Variants in SRD5A2 observed in about 807,000 individuals in gnomAD.
SRD5A2 encodes steroid 5 alpha-reductase 2.
A neutral mutation model predicts 27.4 loss-of-function variants in SRD5A2; 30 were observed. The ratio of observed to expected loss-of-function variants is 1.10; its 90% CI spans 0.82 to 1.49. SRD5A2 has a LOEUF of 1.49. SRD5A2 is among the 40% of genes most tolerant of loss of function. The pLI is 0.00. For missense variants in SRD5A2, 348 were observed against 323.4 expected (o/e 1.08, Z -0.58); for synonymous variants, 141 against 133.6 (o/e 1.06, Z -0.38).
At chr2:31,577,626 C>T (rs1666985763) in intron 1 of SRD5A2, among the ~76,000 whole-genome samples, 1 of 152,152 alleles carries the variant, frequency 6.6e-6, no homozygotes, top group South Asian at 2.1e-4. Flanking sequence ...GGACATTTTG[C>T]AAAAGAGTCT....
intron 1 of SRD5A2, among the ~76,000 whole-genome samples, chr2:31,566,051 C>T (rs1666721451): frequency 6.6e-6 from 1 of 151,974 alleles, no homozygotes; most frequent in Non-Finnish European, 1.5e-5. Context: ...GAAATGAATA[C>T]AGAACATGTC....
intron 1 of SRD5A2, among the ~76,000 whole-genome samples, chr2:31,569,191 C>T (rs1446385512): frequency 2.0e-5 from 3 of 152,282 alleles, no homozygotes; most frequent in Non-Finnish European, 4.4e-5. Flanking sequence ...GCCTCTAACA[C>T]TGCAGCCACT....
At chr2:31,598,405 T>A in the SRD5A2 span, among the ~76,000 whole-genome samples, 1 of 151,690 alleles carries the variant, frequency 6.6e-6, no homozygotes. Context: ...AAAGAACTTA[T>A]CCATGTAATG....
chr2:31,627,085 G>C, the SRD5A2 span, among the ~76,000 whole-genome samples: 2 of 152,076 alleles, frequency 1.3e-5, no homozygotes, highest in African/African-American at 2.4e-5. Flanking sequence ...GTTTAGTCTT[G>C]GGTGGGTGTA....
rs146603276 is a variant in SRD5A2 at position 31,526,360 on chromosome 2, T to C, written c.699-98A>G. On this transcript the variant is annotated intron_variant, in intron 4 of 4. Transcript: ENST00000622030. ...ATCTTTGTTACAAGTCAACCTACAG[T>C]TATTTTGGGCCTGACTATTTCGATG... 11 of 779,556 alleles carry C rather than the reference T, an allele frequency of 1.4e-5. No homozygotes were observed. In the East Asian group the frequency reaches 2.7e-4, roughly 19 times the overall value. The allele number at this position is 779,556 out of a possible 1,614,324, so 48.3% of individuals were successfully genotyped here. A position where few individuals can be genotyped will look rare whatever the true frequency, so the allele number is the denominator to read the frequency against.
chr2:31,547,059 T>C (rs935872667), intron 1 of SRD5A2, among the ~76,000 whole-genome samples: 2 of 151,710 alleles, frequency 1.3e-5, no homozygotes, highest in Admixed American at 1.3e-4. Flanking sequence ...GATGGCGCCA[T>C]TGCACTCCAG....
At chr2:31,630,660 C>T in the SRD5A2 span, among the ~76,000 whole-genome samples, 2 of 152,200 alleles carry the variant, frequency 1.3e-5, no homozygotes, top group Non-Finnish European at 2.9e-5. Context: ...GAGGAAACCT[C>T]ACTGTGAGCA....
At chr2:31,548,249 T>C (rs1323071343) in intron 1 of SRD5A2, among the ~76,000 whole-genome samples, 1 of 152,048 alleles carries the variant, frequency 6.6e-6, no homozygotes, top group African/African-American at 2.4e-5. Flanking sequence ...AAAACTGAAC[T>C]TCATGGAGAA....
At chr2:31,562,740 G>A (rs896480946) in intron 1 of SRD5A2, among the ~76,000 whole-genome samples, 20 of 152,102 alleles carry the variant, frequency 1.3e-4, no homozygotes, top group South Asian at 8.3e-4. Flanking sequence ...CACCACTTGC[G>A]TGATGGGATC....
chr2:31,651,897 C>T, the SRD5A2 span: 1 of 152,434 alleles, frequency 6.6e-6, no homozygotes, highest in Non-Finnish European at 1.5e-5. Context: ...CCATGCAGGC[C>T]TTCGGCAAGT....
At chr2:31,557,515 G>T (rs1666524112) in intron 1 of SRD5A2, among the ~76,000 whole-genome samples, 1 of 152,010 alleles carries the variant, frequency 6.6e-6, no homozygotes. Flanking sequence ...TTTTTCAAGG[G>T]TTATACCATA....
chr2:31,543,982 G>A (rs1666191780), intron 1 of SRD5A2, among the ~76,000 whole-genome samples: 1 of 151,740 alleles, frequency 6.6e-6, no homozygotes, highest in African/African-American at 2.4e-5. Flanking sequence ...AATTGAAAGT[G>A]GAAAAATGGA....
At chr2:31,660,496 G>C in the SRD5A2 span, among the ~76,000 whole-genome samples, 2 of 152,016 alleles carry the variant, frequency 1.3e-5, no homozygotes, top group Non-Finnish European at 2.9e-5. Context: ...TGAACACCAA[G>C]AGTGAACCCT....
the SRD5A2 span, among the ~76,000 whole-genome samples, chr2:31,590,906 C>T: frequency 6.6e-6 from 1 of 152,144 alleles, no homozygotes; most frequent in Non-Finnish European, 1.5e-5. Context: ...AAACTGGATC[C>T]CTTCCTTACA....
In SRD5A2 at chr2:31,580,678, G is replaced by T; in HGVS notation, c.223C>A (p.Leu75Ile). 6.3e-7 allele frequency: 1 copy of T among 1,598,306 alleles called. No homozygotes were observed. The change falls in exon 1 of 5, where the codon CTC becomes ATC. Residue 75 changes from leucine (L) to isoleucine (I), a missense_variant. Coordinates refer to ENST00000622030, the MANE Select transcript of SRD5A2 (RefSeq NM_000348.4). ...AGTACCGTCCCAGGTGGCCCGAAGAGGGAGAGGGGCTGCCGGGCGAGGATC... is the reference window on the plus strand; with the variant it reads ...AGTACCGTCCCAGGTGGCCCGAAGATGGAGAGGGGCTGCCGGGCGAGGATC... ...AGILARQPLS[L>I]FGPPGTVLLG... is the part of the protein sequence containing the mutation.
chr2:31,568,865 G>A (rs1389323542), intron 1 of SRD5A2, among the ~76,000 whole-genome samples: 1 of 152,262 alleles, frequency 6.6e-6, no homozygotes, highest in African/African-American at 2.4e-5. Context: ...GGGCTGGTGT[G>A]TCAATGCCGC....
chr2:31,542,159 C>A (rs1666141686), intron 1 of SRD5A2, among the ~76,000 whole-genome samples: 1 of 152,212 alleles, frequency 6.6e-6, no homozygotes, highest in South Asian at 2.1e-4. Flanking sequence ...AATTTACTCC[C>A]ACCATCTGCT....
intron 1 of SRD5A2, among the ~76,000 whole-genome samples, chr2:31,557,190 T>A (rs1666514747): frequency 6.6e-6 from 1 of 152,212 alleles, no homozygotes; most frequent in Admixed American, 6.5e-5. Flanking sequence ...GCAAGTCACC[T>A]GAGTGGCTTT....
the SRD5A2 span, among the ~76,000 whole-genome samples, chr2:31,607,299 A>C: frequency 6.6e-6 from 1 of 152,004 alleles, no homozygotes; most frequent in Non-Finnish European, 1.5e-5. Flanking sequence ...CAAGGTTCTC[A>C]ATAAGCAACA....
Sources: gnomAD v4.1 joint callset for allele counts (sites outside exome capture counted in the v4.1 genomes callset) on GRCh38, gnomAD v4.1.1 for gene constraint, MANE v1.5 for transcripts, NCBI Gene and HGNC (gene_info 2026-07-23, HGNC 2026-07-21) for gene names.